Variants in ARID5B observed in about 807,000 individuals in gnomAD.
ARID5B encodes the protein AT-rich interactive domain-containing protein 5B.
ARID5B carries 13 observed loss-of-function variants against 97.2 expected under a neutral mutation model. That is an observed-to-expected ratio of 0.13 (90% CI 0.09 to 0.21). The LOEUF is 0.21. Ranked by LOEUF, ARID5B falls within the 10% of genes least tolerant of loss-of-function variation. ARID5B has a pLI of 1.00. For synonymous variants in ARID5B, 556 were observed against 570.3 expected, an observed-to-expected ratio of 0.97 and a Z score of 0.36; for missense variants, 1,210 against 1,465.3, an observed-to-expected ratio of 0.83 and a Z score of 2.84.
chr10:62,008,061 A>AACACACACACACACACAC (rs369982502), intron 4 of ARID5B, among the ~76,000 whole-genome samples: 31 of 66,612 alleles, frequency 4.7e-4, no homozygotes, highest in African/African-American at 1.7e-3. Context: ...CCCGCCCCAC[A>AACACACACACACACACAC]ACACACACAC....
At chr10:61,988,118 CT>C (rs201646960) in intron 3 of ARID5B, among the ~76,000 whole-genome samples, 3,359 of 152,310 alleles carry the variant, frequency 0.022, 55 homozygotes, top group Middle Eastern at 0.058. Flanking sequence ...CAATGATGTT[CT>C]TCCATGGTGC....
At chr10:62,045,693 C>T (rs1204046647) in intron 4 of ARID5B, among the ~76,000 whole-genome samples, 1 of 152,154 alleles carries the variant, frequency 6.6e-6, no homozygotes, top group African/African-American at 2.4e-5. Context: ...ACGTGATCCA[C>T]CCGCCTCAGC....
chr10:61,950,434 C>T (rs1159060570), intron 3 of ARID5B, among the ~76,000 whole-genome samples: 2 of 152,144 alleles, frequency 1.3e-5, no homozygotes, highest in Admixed American at 6.5e-5. Flanking sequence ...TCCGGAAGGC[C>T]GAGGTGGGAG....
rs1356930728 is a variant in ARID5B at position 62,096,857 on chromosome 10, A to T, written c.*3827A>T. The T allele has an allele frequency of 1.3e-5, 3 of 233,446 alleles. No individual in the cohort carries two copies. The East Asian group carries it at 1.8e-4, about 14-fold the overall frequency. The allele number at this position is 233,446 out of a possible 1,614,324, so 14.5% of individuals were successfully genotyped here. On this transcript the variant is annotated 3_prime_UTR_variant, in exon 10 of 10. Transcript: ENST00000279873. ...GCTTTTGATACTGTATTACGTGCCA[A>T]TAGTTTCCCAATCACATAGCAGGCA... is the stretch of plus-strand genomic sequence containing the variant.
chr10:62,086,706 A>AC lies in ARID5B; in HGVS notation c.1398+806_1398+807insC, dbSNP rs1203160304. 7.1e-4 allele frequency among the ~76,000 whole-genome samples: 85 copies of AC among 119,138 alleles called. 6 individuals carry two copies. Among genetic ancestry groups the AC allele is most frequent in the African/African-American group, 1.6e-3 (47 of 28,900 alleles). The allele number at this position is 119,138 out of a possible 152,430, so 78.2% of individuals were successfully genotyped here. ...ACTCCATCTCAAAAAAAAAAAAAAAAAAAAAATATCAGGCATGGTGGTGCC... is the reference window on the plus strand; with the variant it reads ...ACTCCATCTCAAAAAAAAAAAAAAAACAAAAAATATCAGGCATGGTGGTGCC... On this transcript the variant is annotated intron_variant, in intron 9 of 9. Transcript: ENST00000279873.
chr10:62,003,314 G>T (rs1839104947), intron 4 of ARID5B, among the ~76,000 whole-genome samples: 2 of 152,178 alleles, frequency 1.3e-5, no homozygotes, highest in African/African-American at 4.8e-5. Context: ...CAGAAAGCAA[G>T]TGTGGTAGGA....
chr10:61,972,743 T>C lies in ARID5B; in HGVS notation c.503-27348T>C, dbSNP rs184279651. 2.0e-5 allele frequency among the ~76,000 whole-genome samples: 3 copies of C among 152,304 alleles called. No individual in the cohort carries two copies. The East Asian group carries it at 5.8e-4, about 29-fold the overall frequency. On this transcript the variant is annotated intron_variant, in intron 3 of 9. Coordinates refer to ENST00000279873, the MANE Select transcript of ARID5B (RefSeq NM_032199.3). ...GACATCCCTGAAGTCATATTATTATTTCTTTAGGATAAACTCCTAGAAGTG... is the reference window on the plus strand; with the variant it reads ...GACATCCCTGAAGTCATATTATTATCTCTTTAGGATAAACTCCTAGAAGTG...
chr10:62,005,170 C>G (rs1839130774), intron 4 of ARID5B, among the ~76,000 whole-genome samples: 1 of 152,176 alleles, frequency 6.6e-6, no homozygotes, highest in South Asian at 2.1e-4. Context: ...AATACACATT[C>G]TGCTGGGGAC....
intron 8 of ARID5B, among the ~76,000 whole-genome samples, chr10:62,075,263 T>C (rs563436515): frequency 6.6e-6 from 1 of 152,254 alleles, no homozygotes; most frequent in Admixed American, 6.5e-5. Flanking sequence ...TTTCAAGATA[T>C]TTTTTTAATG....
chr10:61,932,014 G>T (rs1844218566), intron 2 of ARID5B, among the ~76,000 whole-genome samples: 1 of 152,114 alleles, frequency 6.6e-6, no homozygotes, highest in Admixed American at 6.5e-5. Flanking sequence ...GTTTACTCTA[G>T]AGAATTGAAA....
chr10:62,022,526 CA>C (rs1438884629), intron 4 of ARID5B, among the ~76,000 whole-genome samples: 3 of 152,194 alleles, frequency 2.0e-5, no homozygotes, highest in African/African-American at 7.2e-5. Context: ...AGCTTGTTAA[CA>C]AGACTCCATC....
intron 3 of ARID5B, among the ~76,000 whole-genome samples, chr10:61,958,522 G>A (rs1028172359): frequency 3.9e-5 from 6 of 152,210 alleles, no homozygotes; most frequent in Admixed American, 3.3e-4. Flanking sequence ...CGCCGCGCCC[G>A]GCCGTGACCT....
chr10:62,034,326 G>A (rs2132909166), intron 4 of ARID5B, among the ~76,000 whole-genome samples: 1 of 152,328 alleles, frequency 6.6e-6, no homozygotes, highest in East Asian at 1.9e-4. Context: ...TCAATTGTCT[G>A]CTGTTTGTTA....
chr10:61,969,229 A>G (rs1838590373), intron 3 of ARID5B, among the ~76,000 whole-genome samples: 1 of 152,228 alleles, frequency 6.6e-6, no homozygotes, highest in Non-Finnish European at 1.5e-5. Context: ...ATTGGAAGAT[A>G]CGATTTTCAG....
At chr10:62,024,172 G>A (rs919454523) in intron 4 of ARID5B, among the ~76,000 whole-genome samples, 1 of 152,104 alleles carries the variant, frequency 6.6e-6, no homozygotes, top group African/African-American at 2.4e-5. Flanking sequence ...TAATCCATGA[G>A]GCCCTGATTA....
At chr10:61,987,597 A>T (rs1327798618) in intron 3 of ARID5B, among the ~76,000 whole-genome samples, 1 of 152,240 alleles carries the variant, frequency 6.6e-6, no homozygotes, top group Non-Finnish European at 1.5e-5. Context: ...TGTGCACCAT[A>T]AGGTCTCTGA....
rs1242792229 is a variant in ARID5B, at chr10:61,902,033, C to G, written c.22-126C>G. On this transcript the variant is annotated intron_variant, in intron 1 of 9. Transcript: ENST00000279873. The stretch of plus-strand genomic sequence containing the variant: ...TTGTGGGTGCTATTATTTTTCCACC[C>G]AGCGTTATATCTGTTGGGTCGTCTG... 5.9e-6 allele frequency: 7 copies of G among 1,179,996 alleles called. No homozygotes were observed. The African/African-American group carries it at 1.1e-4, about 18-fold the overall frequency. 73.1% of individuals were successfully genotyped at this position (1,179,996 alleles called of 1,614,324 possible).
At chr10:61,936,845 CCCA>C (rs1564606848) in intron 2 of ARID5B, among the ~76,000 whole-genome samples, 6 of 18,268 alleles carry the variant, frequency 3.3e-4, no homozygotes, top group Non-Finnish European at 4.8e-4. Flanking sequence ...TTTTTTCTTC[CCCA>C]AAAAAAAAAA....
intron 9 of ARID5B, 69 bp from the exon 10 acceptor site, chr10:62,090,793 T>G (rs968143903): frequency 6.8e-5 from 102 of 1,506,552 alleles, no homozygotes; most frequent in Non-Finnish European, 8.8e-5. Flanking sequence ...TGTGGAATAT[T>G]TTATTTCATA....
Sources: gnomAD v4.1 joint callset for allele counts (sites outside exome capture counted in the v4.1 genomes callset) on GRCh38, gnomAD v4.1.1 for gene constraint, MANE v1.5 for transcripts, NCBI Gene and HGNC (gene_info 2026-07-23, HGNC 2026-07-21) for gene names.